The following TSTD2 variants were observed in gnomAD, a reference collection of about 807,000 sequenced individuals.
The protein encoded by TSTD2 is thiosulfate sulfurtransferase/rhodanese-like domain-containing protein 2.
In TSTD2, 37 loss-of-function variants were observed where a neutral mutation model predicts 47.9. That is an observed-to-expected ratio of 0.77 (90% confidence interval 0.59 to 1.02). TSTD2 has a LOEUF of 1.02. TSTD2 is among the 50% of genes least tolerant of loss of function. The pLI, the probability that TSTD2 is intolerant of heterozygous loss-of-function variation, is 0.00. For synonymous variants in TSTD2, 201 were observed against 215.9 expected, an observed-to-expected ratio of 0.93 and a Z score of 0.61; for missense variants, 586 against 616.0, an observed-to-expected ratio of 0.95 and a Z score of 0.52.
At chr9:97,621,782 G>A (rs1489192827) in intron 3 of TSTD2, among the ~76,000 whole-genome samples, 1 of 152,156 alleles carries the variant, frequency 6.6e-6, no homozygotes, top group Admixed American at 6.5e-5. Flanking sequence ...TGCACAGTGG[G>A]ACATGAAACC....
intron 1 of TSTD2, among the ~76,000 whole-genome samples, chr9:97,629,385 T>A (rs1045153958): frequency 6.6e-6 from 1 of 152,214 alleles, no homozygotes; most frequent in African/African-American, 2.4e-5. Context: ...GATTCATAAA[T>A]TAAGATGTCA....
rs562134646 is a variant in TSTD2 at position 97,610,032 on chromosome 9, A to G, written c.835+314T>C. Among the ~76,000 whole-genome samples, 5 of 152,320 alleles carry G rather than the reference A, an allele frequency of 3.3e-5. No individual in the cohort carries two copies. The South Asian group carries it at 8.3e-4, about 25-fold the overall frequency. On this transcript the variant is annotated intron_variant, in intron 6 of 9. Coordinates refer to ENST00000341170, the MANE Select transcript of TSTD2 (RefSeq NM_139246.5). ...CTGTAGCAAAAGGCCTATTTGCTCT[A>G]TTCTGCTAATGAACTGTTTACAAGT... is the stretch of plus-strand genomic sequence containing the variant.
intron 6 of TSTD2, among the ~76,000 whole-genome samples, chr9:97,606,627 G>C (rs564987169): frequency 6.6e-6 from 1 of 152,314 alleles, no homozygotes; most frequent in South Asian, 2.1e-4. Context: ...ATGGTCACTG[G>C]TAGGTCAGGA....
At chr9:97,604,940 A>G (rs1014563545) in intron 8 of TSTD2, 75 bp from the exon 9 acceptor site, 1 of 1,577,472 alleles carries the variant, frequency 6.3e-7, no homozygotes. Flanking sequence ...AGAACGGCGC[A>G]TGGCGAGGAG....
At chr9:97,621,906 C>T (rs771036635) in intron 3 of TSTD2, among the ~76,000 whole-genome samples, 4 of 152,038 alleles carry the variant, frequency 2.6e-5, no homozygotes, top group African/African-American at 4.8e-5. Flanking sequence ...ACTCCCTATT[C>T]GTACACCCTT....
rs550762132 is a variant in TSTD2, at chr9:97,620,253, TTC to T, written c.483-2378_483-2377del. Among the ~76,000 whole-genome samples, 11 of 152,274 alleles carry T rather than the reference TTC, an allele frequency of 7.2e-5. No homozygotes were observed. The East Asian group carries it at 1.9e-3, about 27-fold the overall frequency. ...AACTGGGAGTTTTCCTGTACAAGCT[TTC>T]TCTCTTTGCCTGCTGCCATCCATGT... On this transcript the variant is annotated intron_variant, in intron 3 of 9. Transcript: ENST00000341170.
Position 97,600,092 on chromosome 9 carries a change from ATT to A in TSTD2, c.*2375_*2376del. 9.8e-7 allele frequency: 1 copy of A among 1,015,886 alleles called. No individual in the cohort carries two copies. Among genetic ancestry groups the A allele is most frequent in the Non-Finnish European group, 1.2e-6 (1 of 846,246 alleles). The allele number at this position is 1,015,886 out of a possible 1,614,324, so 62.9% of individuals were successfully genotyped here. A position where few individuals can be genotyped will look rare whatever the true frequency, so the allele number is the denominator to read the frequency against. On this transcript the variant is annotated 3_prime_UTR_variant, in exon 10 of 10. Transcript: ENST00000341170. Reference sequence around the variant, plus strand: ...ACACTCTTCCACATGCTTTTGAAGTATTATAAAACACTTTATTACAAATTTGT... The same window carrying A: ...ACACTCTTCCACATGCTTTTGAAGTAATAAAACACTTTATTACAAATTTGT...
Position 97,633,304 on chromosome 9 carries a change from C to G in TSTD2, c.-112G>C, listed in dbSNP as rs753519270. On this transcript the variant is annotated 5_prime_UTR_variant, in exon 1 of 10. Coordinates refer to ENST00000341170, the MANE Select transcript of TSTD2 (RefSeq NM_139246.5). ...TGCACTGTCTCCGCCTAGCAATTGT[C>G]ACTGCTCACCGCCCTCGAGCCTATT... The G allele has an allele frequency of 3.3e-6, 1 of 298,588 alleles. No homozygotes were observed. Among genetic ancestry groups the G allele is most frequent in the Non-Finnish European group, 6.1e-6 (1 of 162,740 alleles). The allele number at this position is 298,588 out of a possible 1,614,324, so 18.5% of individuals were successfully genotyped here.
Position 97,613,827 on chromosome 9 carries a change from C to CT in TSTD2, c.604-2129dup, listed in dbSNP as rs755229835. 7.4e-3 allele frequency among the ~76,000 whole-genome samples: 916 copies of CT among 123,052 alleles called. 11 individuals carry two copies. The highest frequency in any genetic ancestry group is 0.011 in the African/African-American group (326 of 31,032). 80.7% of individuals were successfully genotyped at this position (123,052 alleles called of 152,430 possible). On this transcript the variant is annotated intron_variant, in intron 4 of 9. Coordinates refer to ENST00000341170, the MANE Select transcript of TSTD2 (RefSeq NM_139246.5). ...CAGTTGATGCCTCACTTGATCAATT[C>CT]TTTTTTTTTTTTTTTTTTTGAGACA...
chr9:97,609,492 A>G (rs1040836957), intron 6 of TSTD2, among the ~76,000 whole-genome samples: 1 of 152,252 alleles, frequency 6.6e-6, no homozygotes, highest in Non-Finnish European at 1.5e-5. Flanking sequence ...TTAAAGAGAC[A>G]TACTGATGAA....
intron 4 of TSTD2, among the ~76,000 whole-genome samples, chr9:97,615,268 T>G (rs981545888): frequency 1.3e-5 from 2 of 152,234 alleles, no homozygotes; most frequent in Admixed American, 6.5e-5. Flanking sequence ...TTAGCATTTA[T>G]TCAGCACTTG....
At position 97,601,046 on chromosome 9, in the gene TSTD2, G is replaced by C; in HGVS notation, c.*1423C>G. 2 of 1,303,888 alleles carry C rather than the reference G, an allele frequency of 1.5e-6. No individual in the cohort carries two copies. The highest frequency in any genetic ancestry group is 2.0e-6 in the Non-Finnish European group (2 of 988,750). The allele number at this position is 1,303,888 out of a possible 1,614,324, so 80.8% of individuals were successfully genotyped here. A position where few individuals can be genotyped will look rare whatever the true frequency, so the allele number is the denominator to read the frequency against. On this transcript the variant is annotated 3_prime_UTR_variant, in exon 10 of 10. Coordinates refer to ENST00000341170, the MANE Select transcript of TSTD2 (RefSeq NM_139246.5). ...AAGGTGAAGGCCTGCGCACTGAACT[G>C]TAAGGCAGTGGGCAGTACAGGGTAA...
Position 97,626,112 on chromosome 9 carries a change from C to A in TSTD2, c.166-115G>T, listed in dbSNP as rs910634728. On this transcript the variant is annotated intron_variant, in intron 2 of 9. Transcript: ENST00000341170. ...CCACAGGGGCTTCTAGTTTTATGTT[C>A]CATTATGTTATACAATTCTCTGAGA... 8 of 989,408 alleles carry A rather than the reference C, an allele frequency of 8.1e-6. No individual in the cohort carries two copies. The Admixed American group carries it at 1.2e-4, about 15-fold the overall frequency. 61.3% of individuals were successfully genotyped at this position (989,408 alleles called of 1,614,324 possible). A position where few individuals can be genotyped will look rare whatever the true frequency, so the allele number is the denominator to read the frequency against.
At chr9:97,608,147 C>G (rs1431214416) in intron 6 of TSTD2, among the ~76,000 whole-genome samples, 2 of 152,170 alleles carry the variant, frequency 1.3e-5, no homozygotes, top group Non-Finnish European at 2.9e-5. Context: ...TGCGCCACTG[C>G]ACCCCAACCT....
chr9:97,609,398 A>G (rs1826420446), intron 6 of TSTD2, among the ~76,000 whole-genome samples: 1 of 152,214 alleles, frequency 6.6e-6, no homozygotes, highest in Non-Finnish European at 1.5e-5. Context: ...GGGAAACTCT[A>G]AAGGTCAAAT....
At chr9:97,614,157 A>G (rs900184892) in intron 4 of TSTD2, among the ~76,000 whole-genome samples, 1 of 152,250 alleles carries the variant, frequency 6.6e-6, no homozygotes, top group Non-Finnish European at 1.5e-5. Context: ...GGGTATGGAT[A>G]TAAAACAAGA....
intron 7 of TSTD2, 146 bp from the exon 8 acceptor site, chr9:97,605,787 A>G: frequency 8.9e-7 from 1 of 1,129,796 alleles, no homozygotes; most frequent in Non-Finnish European, 1.2e-6. Flanking sequence ...TTTCAACTTC[A>G]AGATCTCAAC....
chr9:97,617,921 C>A, intron 3 of TSTD2, 44 bp from the exon 4 acceptor site: 3 of 1,588,640 alleles, frequency 1.9e-6, no homozygotes, highest in Admixed American at 1.8e-5. Flanking sequence ...GAGTCGCTGG[C>A]ATAAAGAAGT....
intron 4 of TSTD2, among the ~76,000 whole-genome samples, chr9:97,615,108 A>G (rs1826523426): frequency 6.6e-6 from 1 of 152,218 alleles, no homozygotes; most frequent in African/African-American, 2.4e-5. Context: ...GAACCCAAAG[A>G]GAAGACAAGC....
Sources: allele counts gnomAD v4.1 joint callset (sites outside exome capture counted in the v4.1 genomes callset), GRCh38; gene constraint gnomAD v4.1.1; transcripts MANE v1.5; gene names NCBI Gene and HGNC (gene_info 2026-07-23, HGNC 2026-07-21).